Variants in UBP1 observed in about 807,000 individuals in gnomAD.
The protein encoded by UBP1 is upstream-binding protein 1.
In UBP1, 22 loss-of-function variants were observed where a neutral mutation model predicts 76.1. That is an observed-to-expected ratio of 0.29 (90% confidence interval 0.21 to 0.41). The LOEUF is 0.41. UBP1 is among the 10% of genes least tolerant of loss of function. The pLI, the probability that UBP1 is intolerant of heterozygous loss-of-function variation, is 1.00. For synonymous variants in UBP1, 224 were observed against 237.1 expected, an observed-to-expected ratio of 0.94 and a Z score of 0.51; for missense variants, 436 against 668.1, an observed-to-expected ratio of 0.65 and a Z score of 3.83.
intron 3 of UBP1, among the ~76,000 whole-genome samples, chr3:33,416,468 A>G (rs1224765165): frequency 6.6e-6 from 1 of 152,156 alleles, no homozygotes; most frequent in Non-Finnish European, 1.5e-5. Context: ...TCTTCCCCAT[A>G]TTATCTTTTA....
intron 3 of UBP1, among the ~76,000 whole-genome samples, chr3:33,415,713 A>G (rs1298351819): frequency 6.6e-6 from 1 of 152,028 alleles, no homozygotes; most frequent in East Asian, 1.9e-4. Context: ...GGAGTTCACA[A>G]TTAAAACAAC....
intron 2 of UBP1, among the ~76,000 whole-genome samples, chr3:33,417,921 G>A (rs2044771955): frequency 6.6e-6 from 1 of 152,084 alleles, no homozygotes; most frequent in Non-Finnish European, 1.5e-5. Context: ...TCACTCCAAG[G>A]CTGGTGAAGG....
At chr3:33,433,892 C>G (rs1368985131) in intron 1 of UBP1, among the ~76,000 whole-genome samples, 2 of 151,902 alleles carry the variant, frequency 1.3e-5, no homozygotes, top group African/African-American at 4.8e-5. Context: ...CCACTGCACT[C>G]CAGCCTGGGC....
chr3:33,418,757 G>A (rs984759996), intron 2 of UBP1, among the ~76,000 whole-genome samples: 43 of 150,992 alleles, frequency 2.8e-4, no homozygotes, highest in African/African-American at 1.0e-3. Flanking sequence ...TACTTGGGAA[G>A]CTGAGGCAGA....
chr3:33,426,087 TA>T (rs1189866501), intron 1 of UBP1, among the ~76,000 whole-genome samples: 13 of 139,974 alleles, frequency 9.3e-5, no homozygotes, highest in East Asian at 2.1e-4. Context: ...ATTCTTTCTA[TA>T]AAAAAAAAGC....
At chr3:33,411,232 T>C (rs1199093013) in intron 5 of UBP1, among the ~76,000 whole-genome samples, 2 of 152,224 alleles carry the variant, frequency 1.3e-5, no homozygotes, top group African/African-American at 4.8e-5. Context: ...TTAAAAATAA[T>C]GCTAGAAGGA....
chr3:33,433,221 T>C (rs959276319), intron 1 of UBP1, among the ~76,000 whole-genome samples: 2 of 150,956 alleles, frequency 1.3e-5, no homozygotes, highest in African/African-American at 4.9e-5. Context: ...CCACCATGCC[T>C]GGCTGATTTT....
At chr3:33,412,426 A>C (rs1287930926) in intron 4 of UBP1, among the ~76,000 whole-genome samples, 2 of 151,808 alleles carry the variant, frequency 1.3e-5, no homozygotes, top group Non-Finnish European at 2.9e-5. Context: ...CTCTCAAGAC[A>C]CAAGATCCTA....
chr3:33,426,090 A>T (rs1446773901), intron 1 of UBP1, among the ~76,000 whole-genome samples: 1 of 147,800 alleles, frequency 6.8e-6, no homozygotes, highest in African/African-American at 2.5e-5. Flanking sequence ...CTTTCTATAA[A>T]AAAAAAGCAA....
rs946927895 is a variant in UBP1, at chr3:33,411,657, G to C, written c.479C>G (p.Thr160Arg). ...ATTTAACTGGCTTGGATTCGTCCTT[G>C]TGTCAATTATTCCCACAGACATTGG... Reference protein sequence around the residue: ...DIPMSVGIIDTRTNPSQLNAV... With the variant: ...DIPMSVGIIDRRTNPSQLNAV... Residue 160 changes from threonine (T) to arginine (R), a missense_variant, in exon 5 of 16, where the codon ACA becomes AGA. By Grantham distance (71) the Thr-to-Arg change is moderately conservative (BLOSUM62 -1). Around this residue, in one of 3 missense-constraint regions of UBP1, gnomAD observed 161 missense variants for 237.9 expected, o/e 0.68. Coordinates refer to ENST00000283629, the MANE Select transcript of UBP1 (RefSeq NM_014517.5). 12 of 1,613,952 alleles carry C rather than the reference G, an allele frequency of 7.4e-6. No individual in the cohort carries two copies. Among genetic ancestry groups the C allele is most frequent in the Non-Finnish European group, 9.3e-6 (11 of 1,179,980 alleles).
intron 1 of UBP1, among the ~76,000 whole-genome samples, chr3:33,436,802 G>C (rs2045211341): frequency 6.6e-6 from 1 of 152,176 alleles, no homozygotes; most frequent in African/African-American, 2.4e-5. Context: ...AAGTTACCAT[G>C]AGTTTCAGTC....
rs1575496695 is a variant in UBP1 at position 33,439,998 on chromosome 3, C to G, written c.-150G>C. 4.0e-6 allele frequency: 3 copies of G among 754,744 alleles called. No individual in the cohort carries two copies. The highest frequency in any genetic ancestry group is 6.0e-6 in the Non-Finnish European group (3 of 501,272). The allele number at this position is 754,744 out of a possible 1,614,324, so 46.8% of individuals were successfully genotyped here. ...CCAGCGGCGGCCGGGACGAGAGCTG[C>G]GGGGGCCCCACTGGCAGGGCACGAC... On this transcript the variant is annotated 5_prime_UTR_variant, in exon 1 of 16. Transcript: ENST00000283629.
intron 14 of UBP1, 77 bp from the exon 15 acceptor site, chr3:33,392,691 T>C (rs2154054388): frequency 1.5e-6 from 2 of 1,377,994 alleles, no homozygotes; most frequent in East Asian, 2.3e-5. Flanking sequence ...AAACAGTAAA[T>C]ATTCTTCTCA....
At chr3:33,405,915 G>C (rs2044406957) in intron 8 of UBP1, among the ~76,000 whole-genome samples, 1 of 152,046 alleles carries the variant, frequency 6.6e-6, no homozygotes, top group African/African-American at 2.4e-5. Context: ...AAAAGCAATG[G>C]ATACATGGAA....
chr3:33,396,040 C>T, intron 13 of UBP1, 122 bp downstream of exon 13: 1 of 847,974 alleles, frequency 1.2e-6, no homozygotes, highest in Non-Finnish European at 1.8e-6. Context: ...TCAAGGCTCC[C>T]ACATGAGCAA....
intron 1 of UBP1, among the ~76,000 whole-genome samples, chr3:33,435,203 T>G (rs1289570189): frequency 1.3e-5 from 2 of 152,174 alleles, no homozygotes. Context: ...CAGCCAAGAT[T>G]AAATCCAGGA....
chr3:33,396,621 A>T, intron 12 of UBP1: 1 of 404,214 alleles, frequency 2.5e-6, no homozygotes, highest in Middle Eastern at 3.6e-4. Flanking sequence ...AATGATAGTA[A>T]ATGGTTCTTA....
chr3:33,398,361 T>A (rs998976832), intron 11 of UBP1: 1 of 152,164 alleles, frequency 6.6e-6, no homozygotes, highest in African/African-American at 2.4e-5. Context: ...AATAGAGTCA[T>A]TTTATAGAGT....
intron 12 of UBP1, 88 bp downstream of exon 12, chr3:33,396,957 A>G: frequency 8.3e-7 from 1 of 1,212,082 alleles, no homozygotes. Flanking sequence ...ACACACGCCA[A>G]CCTAGCGTGG....
Sources: gnomAD v4.1 joint callset for allele counts (sites outside exome capture counted in the v4.1 genomes callset) on GRCh38, gnomAD v4.1.1 for gene constraint, gnomAD v4.1.1 regional missense constraint, MANE v1.5 for transcripts, NCBI Gene and HGNC (gene_info 2026-07-23, HGNC 2026-07-21) for gene names.